Variants in AGAP1 observed in about 807,000 individuals in gnomAD.
AGAP1 encodes the protein arf-GAP with GTPase, ANK repeat and PH domain-containing protein 1.
AGAP1 carries 29 observed loss-of-function variants against 105.3 expected under a neutral mutation model. That is an observed-to-expected ratio of 0.28 (90% confidence interval 0.21 to 0.38). AGAP1 has a LOEUF of 0.38. AGAP1 is among the 10% of genes least tolerant of loss of function. AGAP1 has a pLI of 1.00. For synonymous variants in AGAP1, 509 were observed against 485.9 expected (o/e 1.05, Z -0.63); for missense variants, 998 against 1,165.1 (o/e 0.86, Z 2.09).
chr2:235,984,679 A>G (rs541095643), intron 13 of AGAP1, among the ~76,000 whole-genome samples: 10 of 151,780 alleles, frequency 6.6e-5, no homozygotes, highest in African/African-American at 2.4e-4. Flanking sequence ...TTCAATTCCC[A>G]CTTATGAGTG....
intron 3 of AGAP1, among the ~76,000 whole-genome samples, chr2:235,730,471 A>AC (rs1951879800): frequency 1.0e-5 from 1 of 100,186 alleles, no homozygotes; most frequent in South Asian, 3.9e-4. Context: ...TCTTTTGTTT[A>AC]CCTTTTAAAA....
chr2:235,605,135 C>A (rs1393218589), intron 1 of AGAP1, among the ~76,000 whole-genome samples: 1 of 152,230 alleles, frequency 6.6e-6, no homozygotes, highest in Admixed American at 6.5e-5. Flanking sequence ...GCCTCTGCCT[C>A]CGAAAGTGCT....
rs1196763379 is a variant in AGAP1 at position 235,612,292 on chromosome 2, C to T, written c.164-96887C>T. Among the ~76,000 whole-genome samples the T allele has an allele frequency of 6.6e-6, 1 of 152,138 alleles. No individual in the cohort carries two copies. The highest frequency in any genetic ancestry group is 2.4e-5 in the African/African-American group (1 of 41,432). On this transcript the variant is annotated intron_variant, in intron 1 of 17. Coordinates refer to ENST00000304032, the MANE Select transcript of AGAP1 (RefSeq NM_001037131.3). The surrounding 1 kb of genome is among the most constrained non-coding windows in gnomAD (Gnocchi z 4.3). ...CAGGGGTGCTTGTGAATTGATTGCA[C>T]CCCTCCTGTGGCGTGGAGGCGGTGC...
rs1006439469 is a variant in AGAP1 at position 236,113,217 on chromosome 2, T to G, written c.2115-6975T>G. Among the ~76,000 whole-genome samples the G allele has an allele frequency of 6.6e-6, 1 of 152,206 alleles. No individual in the cohort carries two copies. The highest frequency in any genetic ancestry group is 2.4e-5 in the African/African-American group (1 of 41,446). ...GTGCAGTGGTGCAATCTCAACTCAC[T>G]GCAACCTCCGCCTCCCGGGTTCAAG... is the stretch of plus-strand genomic sequence containing the variant. On this transcript the variant is annotated intron_variant, in intron 16 of 17. Coordinates refer to ENST00000304032, the MANE Select transcript of AGAP1 (RefSeq NM_001037131.3). This position sits in a 1 kb window ranked among gnomAD's most constrained non-coding sequence, Gnocchi z 4.3.
Position 235,729,931 on chromosome 2 carries a change from T to G in AGAP1, c.311-11032T>G, listed in dbSNP as rs1951850779. Among the ~76,000 whole-genome samples, 1 of 152,080 alleles carries G rather than the reference T, an allele frequency of 6.6e-6. No homozygotes were observed. The highest frequency in any genetic ancestry group is 1.5e-5 in the Non-Finnish European group (1 of 68,036). On this transcript the variant is annotated intron_variant, in intron 3 of 17. Transcript: ENST00000304032. This position sits in a 1 kb window ranked among gnomAD's most constrained non-coding sequence, Gnocchi z 5.0. Reference sequence around the variant, plus strand: ...GGCCTAAAATGTTTACTTTCTGGCCTTTTACACAGGCAGTTCGCCAGCCCC... The same window carrying G: ...GGCCTAAAATGTTTACTTTCTGGCCGTTTACACAGGCAGTTCGCCAGCCCC...
In AGAP1 at chr2:235,874,352, AACC is replaced by A. The variant is rs2106577200; in HGVS notation, c.1051-8990_1051-8988del. On this transcript the variant is annotated intron_variant, in intron 9 of 17. Coordinates refer to ENST00000304032, the MANE Select transcript of AGAP1 (RefSeq NM_001037131.3). The surrounding 1 kb of genome is among the most constrained non-coding windows in gnomAD (Gnocchi z 4.5). ...ATGTAAGCCACTGTGCCCGGCCCAG[AACC>A]ACATTCTTGAGCTGAGCTCCCGAGG... is the stretch of plus-strand genomic sequence containing the variant. Among the ~76,000 whole-genome samples, 1 of 152,296 alleles carries A rather than the reference AACC, an allele frequency of 6.6e-6. No individual in the cohort carries two copies. The highest frequency in any genetic ancestry group is 1.5e-5 in the Non-Finnish European group (1 of 68,018).
At chr2:236,117,155 A>C (rs1287859424) in intron 16 of AGAP1, among the ~76,000 whole-genome samples, 3 of 152,148 alleles carry the variant, frequency 2.0e-5, no homozygotes, top group Non-Finnish European at 4.4e-5. Context: ...TTCTACTTTC[A>C]GTTCTTTAAG....
chr2:235,657,908 A>G (rs889254883), intron 1 of AGAP1, among the ~76,000 whole-genome samples: 6 of 152,330 alleles, frequency 3.9e-5, no homozygotes, highest in Non-Finnish European at 5.9e-5. Context: ...GCAGACACAC[A>G]GAGGAAAGAC....
chr2:235,589,547 C>T (rs1040127815), intron 1 of AGAP1, among the ~76,000 whole-genome samples: 1 of 152,084 alleles, frequency 6.6e-6, no homozygotes, highest in African/African-American at 2.4e-5. Flanking sequence ...TCCCATCCAA[C>T]CGAACTTTTC....
rs150251386 is a variant in AGAP1 at position 235,648,589 on chromosome 2, T to C, written c.164-60590T>C. Among the ~76,000 whole-genome samples the C allele has an allele frequency of 1.4e-3, 208 of 152,040 alleles. 3 individuals are homozygous for C. The East Asian group carries it at 0.033, about 24-fold the overall frequency. On this transcript the variant is annotated intron_variant, in intron 1 of 17. Coordinates refer to ENST00000304032, the MANE Select transcript of AGAP1 (RefSeq NM_001037131.3). ...CTTCCTCTTCCAGTTAAGACAGTCATGTGGCCGGGCGCGGTGGCTCATGCC... is the reference window on the plus strand; with the variant it reads ...CTTCCTCTTCCAGTTAAGACAGTCACGTGGCCGGGCGCGGTGGCTCATGCC...
chr2:236,084,091 G>C (rs539553731), intron 16 of AGAP1, among the ~76,000 whole-genome samples: 7 of 152,278 alleles, frequency 4.6e-5, no homozygotes, highest in Admixed American at 1.3e-4. Context: ...AGGAAGGCAG[G>C]AAGCACCCCT....
At chr2:236,070,625 A>G (rs1458897933) in intron 16 of AGAP1, among the ~76,000 whole-genome samples, 1 of 152,264 alleles carries the variant, frequency 6.6e-6, no homozygotes, top group East Asian at 1.9e-4. Flanking sequence ...AGAAAAGACT[A>G]AAGCATTGAT....
rs1279508442 is a variant in AGAP1, at chr2:235,559,142, G to T, written c.163+64293G>T. On this transcript the variant is annotated intron_variant, in intron 1 of 17. Transcript: ENST00000304032. This position sits in a 1 kb window ranked among gnomAD's most constrained non-coding sequence, Gnocchi z 5.7. The stretch of plus-strand genomic sequence containing the variant: ...GGGTCTTGCCATGTTGCCCAGGCTG[G>T]TCTTGAACTCCTGGGCTTAAGTGAT... Among the ~76,000 whole-genome samples, 2 of 152,138 alleles carry T rather than the reference G, an allele frequency of 1.3e-5. No homozygotes were observed. The highest frequency in any genetic ancestry group is 3.9e-4 in the East Asian group (2 of 5,176).
intron 1 of AGAP1, among the ~76,000 whole-genome samples, chr2:235,632,394 C>T (rs1487130639): frequency 6.6e-6 from 1 of 152,164 alleles, no homozygotes; most frequent in Non-Finnish European, 1.5e-5. Context: ...CTCTCAGCCT[C>T]CCCTCTGCCT....
At chr2:235,579,926 A>G (rs1944873009) in intron 1 of AGAP1, among the ~76,000 whole-genome samples, 1 of 152,100 alleles carries the variant, frequency 6.6e-6, no homozygotes, top group Non-Finnish European at 1.5e-5. Flanking sequence ...TCTCCCTAGC[A>G]CCTGACGACC....
intron 3 of AGAP1, among the ~76,000 whole-genome samples, chr2:235,738,044 G>A (rs900565168): frequency 4.6e-5 from 7 of 152,100 alleles, no homozygotes; most frequent in Admixed American, 3.9e-4. Context: ...GTGGGGCTCA[G>A]GACACAGGGT....
chr2:235,538,404 C>G (rs985735581), intron 1 of AGAP1, among the ~76,000 whole-genome samples: 1 of 135,900 alleles, frequency 7.4e-6, no homozygotes, highest in African/African-American at 2.7e-5. Context: ...CTCCTAGGCT[C>G]TGGAGGAAGA....
At chr2:235,534,962 G>A (rs1306916564) in intron 1 of AGAP1, among the ~76,000 whole-genome samples, 8 of 152,218 alleles carry the variant, frequency 5.3e-5, no homozygotes, top group African/African-American at 1.9e-4. Context: ...GCGAGTGACA[G>A]TGGGAAGCAG....
intron 16 of AGAP1, among the ~76,000 whole-genome samples, chr2:236,112,460 A>G (rs1243952944): frequency 1.3e-5 from 2 of 150,378 alleles, no homozygotes; most frequent in Non-Finnish European, 3.0e-5. Context: ...TCTCCCCACA[A>G]CCCTGACTTG....
Sources: gnomAD v4.1 joint callset for allele counts (sites outside exome capture counted in the v4.1 genomes callset) on GRCh38, gnomAD v4.1.1 for gene constraint, Gnocchi (gnomAD v3.1) non-coding constraint, MANE v1.5 for transcripts, NCBI Gene and HGNC (gene_info 2026-07-23, HGNC 2026-07-21) for gene names.